Variants in EBI3 observed in about 807,000 individuals in gnomAD.
EBI3 encodes the protein Epstein-Barr virus induced 3, also known as interleukin-27 subunit beta.
A neutral mutation model predicts 21.3 loss-of-function variants in EBI3; 19 were observed. The ratio of observed to expected loss-of-function variants is 0.89; its 90% CI spans 0.62 to 1.31. The LOEUF is 1.31. Ranked by LOEUF, EBI3 falls within the 50% of genes most tolerant of loss-of-function variation. The pLI, the probability that EBI3 is intolerant of heterozygous loss-of-function variation, is 0.00. For synonymous variants in EBI3, 154 were observed against 131.2 expected (o/e 1.17, Z -1.19); for missense variants, 331 against 314.0 (o/e 1.05, Z -0.41).
At chr19:4,234,471 G>C (rs1970818290) in intron 3 of EBI3, among the ~76,000 whole-genome samples, 196 bp from the exon 4 acceptor site, 1 of 152,138 alleles carries the variant, frequency 6.6e-6, no homozygotes, top group Non-Finnish European at 1.5e-5. Context: ...GCTGAGGCAG[G>C]AGAATCGCCT....
intron 4 of EBI3, among the ~76,000 whole-genome samples, chr19:4,236,614 C>T (rs968413508): frequency 6.7e-6 from 1 of 148,160 alleles, no homozygotes; most frequent in Non-Finnish European, 1.5e-5. Flanking sequence ...CTGGTTTAGT[C>T]CCAGGGAGGA....
intron 1 of EBI3, among the ~76,000 whole-genome samples, 162 bp from the exon 2 acceptor site, chr19:4,231,029 G>C (rs747859305): frequency 6.6e-6 from 1 of 152,168 alleles, no homozygotes; most frequent in Non-Finnish European, 1.5e-5. Flanking sequence ...GATAAAAGAT[G>C]ACAGATGACT....
At position 4,237,091 on chromosome 19, in the gene EBI3, A is replaced by T. The variant is rs1223508571; in HGVS notation, c.*3A>T. The T allele has an allele frequency of 6.6e-7, 1 of 1,511,126 alleles. No homozygotes were observed. The highest frequency in any genetic ancestry group is 2.5e-5 in the East Asian group (1 of 39,502). The allele number at this position is 1,511,126 out of a possible 1,614,324, so 93.6% of individuals were successfully genotyped here. On this transcript the variant is annotated 3_prime_UTR_variant, in exon 5 of 5. Coordinates refer to ENST00000221847, the MANE Select transcript of EBI3 (RefSeq NM_005755.3). Reference sequence around the variant, plus strand: ...CCACAATGAGCCTGGGCAAGTAGCAAGGGCTTCCCGCTGCCTCCAGACAGC... The same window carrying T: ...CCACAATGAGCCTGGGCAAGTAGCATGGGCTTCCCGCTGCCTCCAGACAGC...
intron 2 of EBI3, 73 bp downstream of exon 2, chr19:4,231,396 C>T: frequency 6.8e-7 from 1 of 1,478,780 alleles, no homozygotes; most frequent in Non-Finnish European, 8.9e-7. Flanking sequence ...CCCTGAGAGC[C>T]CTGGGGTCAG....
chr19:4,232,797 AATTAATGAATGAATGAACGG>A (rs771608835), intron 2 of EBI3, among the ~76,000 whole-genome samples: 9,056 of 149,390 alleles, frequency 0.061, 467 homozygotes, highest in South Asian at 0.28. Flanking sequence ...TGAAGGAATG[AATTAATGAATGAATGAACGG>A]ATGAATGAAT....
intron 3 of EBI3, 39 bp downstream of exon 3, chr19:4,233,346 C>G (rs747778211): frequency 1.3e-6 from 2 of 1,534,690 alleles, no homozygotes; most frequent in Middle Eastern, 2.2e-4. Flanking sequence ...GCGGGGCTGC[C>G]GTCTCCTTCC....
intron 4 of EBI3, among the ~76,000 whole-genome samples, chr19:4,236,473 A>G (rs1296059232): frequency 1.6e-5 from 2 of 125,812 alleles, no homozygotes; most frequent in African/African-American, 3.0e-5. Flanking sequence ...GTAAGCCAAG[A>G]TTGCCCCACT....
At chr19:4,235,194 T>C (rs1283828041) in intron 4 of EBI3, among the ~76,000 whole-genome samples, 1 of 151,794 alleles carries the variant, frequency 6.6e-6, no homozygotes, top group Non-Finnish European at 1.5e-5. Context: ...AATTTTTGTA[T>C]TTTTAGTAGA....
intron 3 of EBI3, among the ~76,000 whole-genome samples, chr19:4,233,904 A>T (rs1970813918): frequency 1.3e-5 from 2 of 152,162 alleles, no homozygotes; most frequent in African/African-American, 2.4e-5. Flanking sequence ...TGAGTAGATT[A>T]TTAAAAATTG....
chr19:4,231,503 T>C (rs937047034), intron 2 of EBI3, among the ~76,000 whole-genome samples, 180 bp downstream of exon 2: 16 of 152,106 alleles, frequency 1.1e-4, no homozygotes, highest in African/African-American at 3.9e-4. Flanking sequence ...GGCACAGTGG[T>C]GCATGCCTGT....
intron 2 of EBI3, chr19:4,232,907 T>A: frequency 2.1e-6 from 1 of 472,718 alleles, no homozygotes; most frequent in Non-Finnish European, 3.7e-6. Flanking sequence ...CTAGCTTGGG[T>A]TGTAATCCCC....
At chr19:4,235,050 A>G (rs1406194085) in intron 4 of EBI3, among the ~76,000 whole-genome samples, 1 of 152,166 alleles carries the variant, frequency 6.6e-6, no homozygotes, top group Non-Finnish European at 1.5e-5. Context: ...GTTTTGAGAC[A>G]GAGTCTCGCT....
chr19:4,232,761 A>C (rs971757409), intron 2 of EBI3, among the ~76,000 whole-genome samples: 1 of 43,292 alleles, frequency 2.3e-5, no homozygotes, highest in Non-Finnish European at 4.6e-5. Context: ...TTAATGAATG[A>C]ATGAAGGAAT....
chr19:4,233,314 G>C lies in EBI3; in HGVS notation c.379+7G>C, dbSNP rs371471073. ...TTCATAACAGAGCACATCAGTGAGT[G>C]GGGGCGGCAGTGGGGGCGGGGGCGG... On this transcript the variant is annotated splice_region_variant and intron_variant, in intron 3 of 4. Transcript: ENST00000221847. 6.3e-7 allele frequency: 1 copy of C among 1,587,010 alleles called. No homozygotes were observed. Among genetic ancestry groups the C allele is most frequent in the Admixed American group, 1.8e-5 (1 of 56,852 alleles).
Position 4,233,265 on chromosome 19 carries a change from G to A in EBI3, c.337G>A (p.Gly113Ser), listed in dbSNP as rs367856520. 37 of 1,612,130 alleles carry A rather than the reference G, an allele frequency of 2.3e-5. No individual in the cohort carries two copies. Among genetic ancestry groups the A allele is most frequent in the Non-Finnish European group, 3.1e-5 (37 of 1,179,558 alleles). The change falls in exon 3 of 5, where the codon GGC becomes AGC. Residue 113 changes from glycine (G) to serine (S), a missense_variant. By Grantham distance (56) the Gly-to-Ser change is moderately conservative (BLOSUM62 0). Coordinates refer to ENST00000221847, the MANE Select transcript of EBI3 (RefSeq NM_005755.3). The part of the protein sequence containing the change: ...VLNVTAVHPW[G>S]SSSSFVPFIT... ...CAATGTCACCGCCGTCCACCCCTGG[G>A]GCTCCAGCAGCAGCTTCGTGCCTTT...
chr19:4,232,222 CAAAAAAAA>C (rs71166979), intron 2 of EBI3, among the ~76,000 whole-genome samples: 1 of 57,818 alleles, frequency 1.7e-5, no homozygotes. Context: ...GACCCCGTCT[CAAAAAAAA>C]AAAAAAAAAA....
At position 4,237,433 on chromosome 19, in the gene EBI3, G is replaced by A. The variant is rs563364940; in HGVS notation, c.*345G>A. The A allele has an allele frequency of 8.6e-5, 14 of 163,414 alleles. No individual in the cohort carries two copies. The highest frequency in any genetic ancestry group is 2.9e-3 in the Middle Eastern group (1 of 348). 10.1% of individuals were successfully genotyped at this position (163,414 alleles called of 1,614,324 possible). A position where few individuals can be genotyped will look rare whatever the true frequency, so the allele number is the denominator to read the frequency against. On this transcript the variant is annotated 3_prime_UTR_variant, in exon 5 of 5. Coordinates refer to ENST00000221847, the MANE Select transcript of EBI3 (RefSeq NM_005755.3). ...CTGTAATCCCAGTCACTGGGAAGCCGACGTGGGAGGGTAGCTTGAGGCCAG... is the reference window on the plus strand; with the variant it reads ...CTGTAATCCCAGTCACTGGGAAGCCAACGTGGGAGGGTAGCTTGAGGCCAG...
At chr19:4,230,194 G>C (rs1420655010) in intron 1 of EBI3, among the ~76,000 whole-genome samples, 1 of 152,128 alleles carries the variant, frequency 6.6e-6, no homozygotes. Context: ...AAAGTGCTGG[G>C]ATGACAGATG....
At chr19:4,234,886 A>G in intron 4 of EBI3, 62 bp downstream of exon 4, 1 of 1,592,322 alleles carries the variant, frequency 6.3e-7, no homozygotes. Flanking sequence ...GGTTTTTACC[A>G]AGACTAGCAG....
Sources: allele counts gnomAD v4.1 joint callset (sites outside exome capture counted in the v4.1 genomes callset), GRCh38; gene constraint gnomAD v4.1.1; transcripts MANE v1.5; gene names NCBI Gene and HGNC (gene_info 2026-07-23, HGNC 2026-07-21).